Variants in PTK7 observed in about 807,000 individuals in gnomAD.
The protein encoded by PTK7 is protein tyrosine kinase 7 (inactive).
Under a neutral mutation model 116.6 loss-of-function variants are expected in PTK7, and 39 were observed. The observed-to-expected ratio is 0.33, with a 90% CI of 0.26 to 0.44. PTK7 has a LOEUF of 0.44. Among genes scored for constraint, PTK7 ranks in the 20% least tolerant of loss-of-function variants. The pLI, the probability that PTK7 is intolerant of heterozygous loss-of-function variation, is 1.00. For synonymous variants in PTK7, 546 were observed against 563.6 expected, an observed-to-expected ratio of 0.97 and a Z score of 0.44; for missense variants, 1,169 against 1,425.6, an observed-to-expected ratio of 0.82 and a Z score of 2.90.
At chr6:43,090,099 CT>C (rs1165282377) in intron 1 of PTK7, among the ~76,000 whole-genome samples, 1 of 152,240 alleles carries the variant, frequency 6.6e-6, no homozygotes, top group Admixed American at 6.5e-5. Flanking sequence ...CGAGTCTCTA[CT>C]TGGGCCTTTC....
intron 1 of PTK7, among the ~76,000 whole-genome samples, chr6:43,088,682 G>A (rs975864656): frequency 1.3e-5 from 2 of 149,840 alleles, no homozygotes; most frequent in South Asian, 2.1e-4. Context: ...AGAGTGAGAC[G>A]CCATCTCAAA....
At chr6:43,140,230 C>T (rs185841747) in intron 10 of PTK7, among the ~76,000 whole-genome samples, 4 of 152,212 alleles carry the variant, frequency 2.6e-5, no homozygotes, top group African/African-American at 7.2e-5. Context: ...GGGTGGATCA[C>T]GAGGTCATGA....
chr6:43,141,821 C>G lies in PTK7; in HGVS notation c.1768+4C>G, dbSNP rs200199218. On this transcript the variant is annotated splice_donor_region_variant and intron_variant, in intron 11 of 19. Coordinates refer to ENST00000230419, the MANE Select transcript of PTK7 (RefSeq NM_002821.5). This position sits in a 1 kb window ranked among gnomAD's most constrained non-coding sequence, Gnocchi z 4.9. ...CATGTCCAGCTCACTGTGGCAGGTG[C>G]GACCGTGGCAGGGCCCTGGGGCTGG... 6.2e-7 allele frequency: 1 copy of G among 1,612,676 alleles called. No homozygotes were observed.
At position 43,076,395 on chromosome 6, in the gene PTK7, C is replaced by CGCGCTCCGGT. The variant is rs1391790293; in HGVS notation, c.-85_-76dup. On this transcript the variant is annotated 5_prime_UTR_variant, in exon 1 of 20. Transcript: ENST00000230419. This position sits in a 1 kb window ranked among gnomAD's most constrained non-coding sequence, Gnocchi z 5.7. ...CGGCTGCGGCTGCTGCTGCGGCGCC[C>CGCGCTCCGGT]GCGCTCCGGTGCGCTCCGCCTCCTG... The CGCGCTCCGGT allele has an allele frequency of 5.9e-6, 6 of 1,017,542 alleles. No individual in the cohort carries two copies. The highest frequency in any genetic ancestry group is 1.7e-5 in the African/African-American group (1 of 58,224). The allele number at this position is 1,017,542 out of a possible 1,614,324, so 63.0% of individuals were successfully genotyped here. A position where few individuals can be genotyped will look rare whatever the true frequency, so the allele number is the denominator to read the frequency against.
chr6:43,139,635 A>G lies in PTK7; in HGVS notation c.1618+110A>G, dbSNP rs573656191. On this transcript the variant is annotated intron_variant, in intron 10 of 19. Transcript: ENST00000230419. This position sits in a 1 kb window ranked among gnomAD's most constrained non-coding sequence, Gnocchi z 4.6. ...CTGTGCCAGGAAATGTGGAGATTAG[A>G]CAAGCAGTGCAGGGCTGATGTATAG... The G allele has an allele frequency of 8.0e-6, 12 of 1,507,896 alleles. No individual in the cohort carries two copies. In the African/African-American group the frequency reaches 8.3e-5, roughly 10 times the overall value. The allele number at this position is 1,507,896 out of a possible 1,614,324, so 93.4% of individuals were successfully genotyped here.
intron 18 of PTK7, 157 bp from the exon 19 acceptor site, chr6:43,159,631 C>T: frequency 2.9e-6 from 2 of 696,942 alleles, no homozygotes; most frequent in East Asian, 2.7e-5. Context: ...GTCTAGTGTA[C>T]TCCCATGCTC....
chr6:43,130,639 A>C lies in PTK7; in HGVS notation c.790A>C (p.Thr264Pro), dbSNP rs766687622. The C allele has an allele frequency of 1.2e-6, 2 of 1,613,582 alleles. No individual in the cohort carries two copies. ...PSLQWLFEDETPITNRSRPPH... is the reference protein window; with the variant it reads ...PSLQWLFEDEPPITNRSRPPH... Reference sequence around the variant, plus strand: ...CCTGCAGTGGCTCTTTGAGGATGAGACTCCCATCACTAACCGCAGTCGGTA... The same window carrying C: ...CCTGCAGTGGCTCTTTGAGGATGAGCCTCCCATCACTAACCGCAGTCGGTA... Residue 264 changes from threonine (T) to proline (P), a missense_variant, in exon 5 of 20, where the codon ACT (threonine) becomes CCT (proline). Physicochemically the swap from Thr to Pro is conservative, Grantham distance 38. Around this residue, in one of 3 missense-constraint regions of PTK7, gnomAD observed 487 missense variants for 549.8 expected, o/e 0.89. Transcript: ENST00000230419.
intron 1 of PTK7, among the ~76,000 whole-genome samples, chr6:43,097,764 A>G (rs1305418926): frequency 6.6e-6 from 1 of 152,180 alleles, no homozygotes; most frequent in Admixed American, 6.5e-5. Flanking sequence ...CCCAGTGCCC[A>G]CTGGAAATCT....
At chr6:43,107,745 C>T (rs1204331981) in intron 1 of PTK7, among the ~76,000 whole-genome samples, 1 of 152,178 alleles carries the variant, frequency 6.6e-6, no homozygotes, top group Non-Finnish European at 1.5e-5. Context: ...GGCTTTGACC[C>T]CTGCTGGTTC....
At chr6:43,098,346 A>G (rs1348761140) in intron 1 of PTK7, among the ~76,000 whole-genome samples, 2 of 152,036 alleles carry the variant, frequency 1.3e-5, no homozygotes, top group Non-Finnish European at 2.9e-5. Flanking sequence ...ATGCTGCTGG[A>G]AAAAAGAAGC....
At position 43,105,865 on chromosome 6, in the gene PTK7, C is replaced by A. The variant is rs188985431; in HGVS notation, c.80-23112C>A. Among the ~76,000 whole-genome samples, 5 of 152,276 alleles carry A rather than the reference C, an allele frequency of 3.3e-5. No homozygotes were observed. In the East Asian group the frequency reaches 9.6e-4, roughly 29 times the overall value. On this transcript the variant is annotated intron_variant, in intron 1 of 19. Transcript: ENST00000230419. ...CCAACACTTTGATTTTGCACTCTGG[C>A]CTCCAGAGCTGCGAGAGGATAAATT...
rs1052349261 is a variant in PTK7 at position 43,076,413 on chromosome 6, G to A, written c.-76G>A. On this transcript the variant is annotated 5_prime_UTR_variant, in exon 1 of 20. Transcript: ENST00000230419. The surrounding 1 kb of genome is among the most constrained non-coding windows in gnomAD (Gnocchi z 5.7). ...CGGCGCCCGCGCTCCGGTGCGCTCC[G>A]CCTCCTGTGCCCGCCGCGGAGCGCA... 8.1e-6 allele frequency: 10 copies of A among 1,240,008 alleles called. No individual in the cohort carries two copies. Among genetic ancestry groups the A allele is most frequent in the Admixed American group, 3.8e-5 (1 of 26,532 alleles). The allele number at this position is 1,240,008 out of a possible 1,614,324, so 76.8% of individuals were successfully genotyped here.
In PTK7 at chr6:43,130,640, C is replaced by A. The variant is rs1769612200; in HGVS notation, c.791C>A (p.Thr264Asn). The A allele has an allele frequency of 6.2e-7, 1 of 1,614,076 alleles. No homozygotes were observed. The highest frequency in any genetic ancestry group is 1.3e-5 in the African/African-American group (1 of 74,928). Residue 264 changes from threonine (T) to asparagine (N), a missense_variant, in exon 5 of 20, where the codon ACT (threonine) becomes AAT (asparagine). Thr to Asn is a moderately conservative substitution (Grantham distance 65). Transcript: ENST00000230419. Reference protein sequence around the residue: ...PSLQWLFEDETPITNRSRPPH... With the variant: ...PSLQWLFEDENPITNRSRPPH... ...CTGCAGTGGCTCTTTGAGGATGAGA[C>A]TCCCATCACTAACCGCAGTCGGTAA...
intron 1 of PTK7, among the ~76,000 whole-genome samples, chr6:43,093,031 ATGCATGTG>A (rs893827023): frequency 3.3e-5 from 5 of 152,102 alleles, no homozygotes; most frequent in African/African-American, 9.7e-5. Flanking sequence ...TAAGTATTGT[ATGCATGTG>A]TGCATGCTGA....
intron 1 of PTK7, among the ~76,000 whole-genome samples, chr6:43,105,231 A>G (rs1284223693): frequency 6.6e-6 from 1 of 151,130 alleles, no homozygotes; most frequent in African/African-American, 2.4e-5. Context: ...AAACCCTCTC[A>G]TTATCAGTGT....
intron 1 of PTK7, among the ~76,000 whole-genome samples, chr6:43,110,478 T>C (rs1470198884): frequency 6.6e-6 from 1 of 151,950 alleles, no homozygotes; most frequent in Non-Finnish European, 1.5e-5. Flanking sequence ...AGTGGCGCAA[T>C]CTTGGCTCAC....
At chr6:43,100,894 A>G (rs1033788021) in intron 1 of PTK7, among the ~76,000 whole-genome samples, 1 of 152,248 alleles carries the variant, frequency 6.6e-6, no homozygotes, top group African/African-American at 2.4e-5. Context: ...GTGAAAAAAA[A>G]AATTAAAATG....
intron 1 of PTK7, among the ~76,000 whole-genome samples, chr6:43,119,523 C>G (rs1340512679): frequency 2.0e-5 from 3 of 152,096 alleles, no homozygotes. Context: ...AGTCAGAGAC[C>G]TGGAAGCACT....
intron 1 of PTK7, among the ~76,000 whole-genome samples, chr6:43,100,925 TAAA>T (rs1273370301): frequency 6.6e-6 from 1 of 152,200 alleles, no homozygotes; most frequent in Non-Finnish European, 1.5e-5. Context: ...CAGTAACTCT[TAAA>T]AACGATTGAA....
Sources: gnomAD v4.1 joint callset for allele counts (sites outside exome capture counted in the v4.1 genomes callset) on GRCh38, gnomAD v4.1.1 for gene constraint, gnomAD v4.1.1 regional missense constraint, Gnocchi (gnomAD v3.1) non-coding constraint, MANE v1.5 for transcripts, NCBI Gene and HGNC (gene_info 2026-07-23, HGNC 2026-07-21) for gene names.